GRM8: variants seen among roughly 807,000 people sequenced by gnomAD.
GRM8 encodes metabotropic glutamate receptor 8.
GRM8 carries 47 observed loss-of-function variants against 87.2 expected under a neutral mutation model. The ratio of observed to expected loss-of-function variants is 0.54; its 90% confidence interval spans 0.43 to 0.69. The LOEUF (loss-of-function observed/expected upper bound fraction) is 0.69, where lower values mean the gene tolerates loss of function less well. Ranked by LOEUF, GRM8 falls within the 30% of genes least tolerant of loss-of-function variation. GRM8 has a pLI of 0.00. For missense variants in GRM8, 1,019 were observed against 1,139.2 expected (o/e 0.89, Z 1.52); for synonymous variants, 396 against 404.5 (o/e 0.98, Z 0.25).
chr7:127,010,369 C>T (rs534296389), intron 3 of GRM8, among the ~76,000 whole-genome samples: 152 of 152,020 alleles, frequency 1.0e-3, no homozygotes, highest in Non-Finnish European at 1.2e-3. Flanking sequence ...ATTTAGATTG[C>T]AAAGTGAATC....
At chr7:126,751,068 T>C (rs980071510) in intron 7 of GRM8, among the ~76,000 whole-genome samples, 3 of 152,112 alleles carry the variant, frequency 2.0e-5, no homozygotes, top group African/African-American at 7.2e-5. Flanking sequence ...TTAAATAATA[T>C]AGAAATAATG....
intron 7 of GRM8, among the ~76,000 whole-genome samples, chr7:126,721,458 A>T (rs1475899445): frequency 6.6e-6 from 1 of 152,164 alleles, no homozygotes; most frequent in Non-Finnish European, 1.5e-5. Flanking sequence ...ATGACCTTTC[A>T]GAAGATTAAA....
At chr7:126,629,789 G>A (rs955630192) in intron 7 of GRM8, among the ~76,000 whole-genome samples, 14 of 152,098 alleles carry the variant, frequency 9.2e-5, no homozygotes, top group African/African-American at 3.4e-4. Context: ...GATTTGAGGT[G>A]TTTCTATTCT....
intron 6 of GRM8, among the ~76,000 whole-genome samples, chr7:126,824,316 T>TA (rs1416203166): frequency 6.6e-6 from 1 of 152,130 alleles, no homozygotes; most frequent in Non-Finnish European, 1.5e-5. Context: ...AAAGTATATA[T>TA]TTTTATGTAT....
intron 2 of GRM8, among the ~76,000 whole-genome samples, chr7:127,217,479 T>C (rs1308493323): frequency 6.6e-6 from 1 of 152,234 alleles, no homozygotes; most frequent in Non-Finnish European, 1.5e-5. Context: ...ATTCAGGGAA[T>C]CAGAACTTCC....
At chr7:126,675,672 A>G (rs907359555) in intron 7 of GRM8, among the ~76,000 whole-genome samples, 3 of 152,168 alleles carry the variant, frequency 2.0e-5, no homozygotes, top group African/African-American at 7.2e-5. Flanking sequence ...GCAGAAAAAT[A>G]TTTTCTAAAA....
At chr7:126,873,441 A>G (rs1204527) in intron 6 of GRM8, among the ~76,000 whole-genome samples, 33,086 of 151,912 alleles carry the variant, frequency 0.22, 4,099 homozygotes, top group East Asian at 0.5. Context: ...ATATTATCTA[A>G]TTTAACTCTC....
At chr7:126,881,205 A>C (rs1799990322) in intron 6 of GRM8, among the ~76,000 whole-genome samples, 1 of 152,204 alleles carries the variant, frequency 6.6e-6, no homozygotes. Context: ...TTGTAGACAG[A>C]CTTAAGGAGC....
At chr7:126,891,450 A>ACTTT (rs200720878) in intron 6 of GRM8, among the ~76,000 whole-genome samples, 4,585 of 151,976 alleles carry the variant, frequency 0.03, 107 homozygotes, top group African/African-American at 0.068. Context: ...CCATTCATTG[A>ACTTT]CTTTCAAAAC....
In GRM8 at chr7:126,609,990, C is replaced by T. The variant is rs559623736; in HGVS notation, c.1358-492G>A. ...GAGCACCGTTCCTGTGCCTCTGCTA[C>T]CTCTGCCCAAGAGTATATCAATGTG... is the stretch of plus-strand genomic sequence containing the variant. On this transcript the variant is annotated intron_variant, in intron 7 of 10. Transcript: ENST00000339582. 6.1e-4 allele frequency among the ~76,000 whole-genome samples: 93 copies of T among 152,282 alleles called. 1 individual carries two copies. The highest frequency in any genetic ancestry group is 6.8e-3 in the Middle Eastern group (2 of 294).
intron 8 of GRM8, among the ~76,000 whole-genome samples, chr7:126,596,088 C>T (rs983833693): frequency 1.3e-5 from 2 of 152,152 alleles, no homozygotes; most frequent in African/African-American, 4.8e-5. Context: ...AGCACCACTG[C>T]TCTCCAGAGT....
intron 7 of GRM8, among the ~76,000 whole-genome samples, chr7:126,636,987 A>C (rs1041010210): frequency 1.3e-5 from 2 of 152,102 alleles, no homozygotes; most frequent in African/African-American, 2.4e-5. Flanking sequence ...TTTAAGGATA[A>C]TTTGTAATGT....
At chr7:127,044,381 A>T (rs943574972) in intron 3 of GRM8, among the ~76,000 whole-genome samples, 1 of 152,186 alleles carries the variant, frequency 6.6e-6, no homozygotes, top group African/African-American at 2.4e-5. Context: ...ACCTTGCCCT[A>T]GAGTAACCAA....
At chr7:126,904,777 A>C in intron 3 of GRM8, 94 bp from the exon 4 acceptor site, 1 of 1,081,238 alleles carries the variant, frequency 9.2e-7, no homozygotes, top group Non-Finnish European at 1.4e-6. Flanking sequence ...ATACTTCTGT[A>C]TGAATATTAT....
At chr7:126,672,050 C>T (rs923090356) in intron 7 of GRM8, among the ~76,000 whole-genome samples, 1 of 152,196 alleles carries the variant, frequency 6.6e-6, no homozygotes, top group Non-Finnish European at 1.5e-5. Context: ...AGGCATAGCA[C>T]ATGTGAGCAT....
At chr7:127,233,279 A>G (rs371103277) in intron 2 of GRM8, among the ~76,000 whole-genome samples, 26 of 152,284 alleles carry the variant, frequency 1.7e-4, no homozygotes, top group East Asian at 7.7e-4. Context: ...ATATTAATCT[A>G]TTTTACTCAC....
intron 2 of GRM8, among the ~76,000 whole-genome samples, chr7:127,126,809 G>A (rs955220929): frequency 2.6e-5 from 4 of 152,030 alleles, no homozygotes; most frequent in Middle Eastern, 3.4e-3. Flanking sequence ...ATCACAGATT[G>A]AGGAGAAAAT....
At chr7:127,207,801 T>A (rs769333864) in intron 2 of GRM8, among the ~76,000 whole-genome samples, 1 of 152,084 alleles carries the variant, frequency 6.6e-6, no homozygotes, top group Non-Finnish European at 1.5e-5. Context: ...ATCCTAAGAC[T>A]AACAAAATGG....
At chr7:126,631,533 T>C (rs775508130) in intron 7 of GRM8, among the ~76,000 whole-genome samples, 6 of 151,808 alleles carry the variant, frequency 4.0e-5, no homozygotes, top group Admixed American at 3.3e-4. Context: ...AAAAAAACTA[T>C]CTTAAAATTG....
Sources: allele counts gnomAD v4.1 joint callset (sites outside exome capture counted in the v4.1 genomes callset), GRCh38; gene constraint gnomAD v4.1.1; transcripts MANE v1.5; gene names NCBI Gene and HGNC (gene_info 2026-07-23, HGNC 2026-07-21).